The following AKT3 variants were observed in gnomAD, a reference collection of about 807,000 sequenced individuals.
AKT3 encodes RAC-gamma serine/threonine-protein kinase.
Under a neutral mutation model 65.3 loss-of-function variants are expected in AKT3, and 15 were observed. That is an observed-to-expected ratio of 0.23 (90% CI 0.15 to 0.35). The LOEUF (loss-of-function observed/expected upper bound fraction) is 0.35. AKT3 is among the 10% of genes least tolerant of loss of function. AKT3 has a pLI of 1.00. For missense variants in AKT3, 243 were observed against 576.5 expected (o/e 0.42, Z 5.92); for synonymous variants, 206 against 183.8 (o/e 1.12, Z -0.98).
intron 2 of AKT3, among the ~76,000 whole-genome samples, chr1:243,773,686 G>C (rs1690351310): frequency 6.6e-6 from 1 of 152,146 alleles, no homozygotes; most frequent in South Asian, 2.1e-4. Flanking sequence ...AGCTCATTGT[G>C]AGAATCAAAT....
At chr1:243,599,029 C>T (rs1306649840) in intron 8 of AKT3, among the ~76,000 whole-genome samples, 1 of 152,096 alleles carries the variant, frequency 6.6e-6, no homozygotes, top group East Asian at 1.9e-4. Context: ...TTATTTTTAT[C>T]GTGGTGATGA....
At chr1:243,846,186 C>A (rs1441963327) in intron 1 of AKT3, among the ~76,000 whole-genome samples, 1 of 152,084 alleles carries the variant, frequency 6.6e-6, no homozygotes, top group Non-Finnish European at 1.5e-5. Flanking sequence ...GGGCTAAGCT[C>A]CATTATTGGA....
intron 3 of AKT3, among the ~76,000 whole-genome samples, chr1:243,684,346 C>T (rs1029279275): frequency 6.6e-6 from 1 of 151,918 alleles, no homozygotes; most frequent in African/African-American, 2.4e-5. Flanking sequence ...TGTGATGTTC[C>T]CCTCCCTGTG....
intron 6 of AKT3, chr1:243,625,128 T>TG (rs1436854892): frequency 4.4e-5 from 1 of 22,478 alleles, no homozygotes; most frequent in Non-Finnish European, 4.3e-4. Flanking sequence ...GTTTGTGTTT[T>TG]TTTTTTTTTT....
intron 2 of AKT3, among the ~76,000 whole-genome samples, chr1:243,729,908 C>T (rs1447264123): frequency 6.6e-6 from 1 of 152,180 alleles, no homozygotes; most frequent in East Asian, 1.9e-4. Flanking sequence ...TTCCAAGTCT[C>T]TCTACTGACA....
At chr1:243,522,170 G>A (rs1249032331) in intron 12 of AKT3, among the ~76,000 whole-genome samples, 2 of 152,208 alleles carry the variant, frequency 1.3e-5, no homozygotes, top group South Asian at 2.1e-4. Flanking sequence ...TAAGAGCCTA[G>A]TGAAACAATC....
At chr1:243,531,023 T>C (rs1029882476) in intron 12 of AKT3, among the ~76,000 whole-genome samples, 1 of 152,214 alleles carries the variant, frequency 6.6e-6, no homozygotes, top group African/African-American at 2.4e-5. Context: ...TGTAAAATAG[T>C]TACTGCTAAA....
chr1:243,644,214 A>G (rs1292451685), intron 5 of AKT3, among the ~76,000 whole-genome samples: 1 of 152,222 alleles, frequency 6.6e-6, no homozygotes, highest in African/African-American at 2.4e-5. Context: ...TAGAAACAAA[A>G]TTATGCAGAT....
At chr1:243,609,852 T>A (rs909914968) in intron 8 of AKT3, among the ~76,000 whole-genome samples, 1 of 152,154 alleles carries the variant, frequency 6.6e-6, no homozygotes, top group African/African-American at 2.4e-5. Flanking sequence ...AATTAATTAA[T>A]CTTTAAGTAC....
intron 2 of AKT3, among the ~76,000 whole-genome samples, chr1:243,722,992 A>G (rs984762078): frequency 6.6e-6 from 1 of 152,224 alleles, no homozygotes; most frequent in Admixed American, 6.5e-5. Context: ...ACATTAGTTT[A>G]CAAGTAATAA....
At chr1:243,704,737 C>CAAT (rs1459559771) in intron 2 of AKT3, among the ~76,000 whole-genome samples, 1 of 152,100 alleles carries the variant, frequency 6.6e-6, no homozygotes, top group African/African-American at 2.4e-5. Context: ...AAAAGCAAGG[C>CAAT]AATAGCTTTA....
At chr1:243,719,835 C>T (rs1158940623) in intron 2 of AKT3, among the ~76,000 whole-genome samples, 1 of 152,140 alleles carries the variant, frequency 6.6e-6, no homozygotes, top group African/African-American at 2.4e-5. Flanking sequence ...GTCGTATGGC[C>T]ACACCTAACT....
At chr1:243,849,206 G>A (rs1695643833) in intron 1 of AKT3, among the ~76,000 whole-genome samples, 1 of 152,218 alleles carries the variant, frequency 6.6e-6, no homozygotes, top group Non-Finnish European at 1.5e-5. Context: ...ACAAGGAAGA[G>A]GCTGGTCTGT....
At chr1:243,735,794 G>A (rs1386570452) in intron 2 of AKT3, 1 of 152,182 alleles carries the variant, frequency 6.6e-6, no homozygotes, top group Non-Finnish European at 1.5e-5. Context: ...AACTGTAGAG[G>A]AGAGAAGCCA....
At chr1:243,591,608 A>G (rs1676232998) in intron 8 of AKT3, among the ~76,000 whole-genome samples, 1 of 152,234 alleles carries the variant, frequency 6.6e-6, no homozygotes, top group African/African-American at 2.4e-5. Flanking sequence ...ATGACACATA[A>G]GATATAATTA....
At chr1:243,564,767 G>C (rs1359398355) in intron 9 of AKT3, among the ~76,000 whole-genome samples, 1 of 151,980 alleles carries the variant, frequency 6.6e-6, no homozygotes, top group Non-Finnish European at 1.5e-5. Context: ...ACAACCTAAA[G>C]GTATTTCTTC....
chr1:243,643,423 C>T (rs1276597231), intron 5 of AKT3, among the ~76,000 whole-genome samples: 1 of 152,236 alleles, frequency 6.6e-6, no homozygotes, highest in Non-Finnish European at 1.5e-5. Context: ...TGCCCCTTCA[C>T]ATACTTGACA....
chr1:243,606,570 C>G (rs540260332), intron 8 of AKT3, among the ~76,000 whole-genome samples: 3 of 151,978 alleles, frequency 2.0e-5, no homozygotes, highest in Admixed American at 2.0e-4. Flanking sequence ...TTGAAGAGAA[C>G]GCGGAGAAGA....
At chr1:243,552,633 A>G in intron 11 of AKT3, 96 bp downstream of exon 11, 1 of 1,117,010 alleles carries the variant, frequency 9.0e-7, no homozygotes, top group South Asian at 1.4e-5. Flanking sequence ...CACCAAATAC[A>G]TTGCTTCTTG....
Sources: allele counts gnomAD v4.1 joint callset (sites outside exome capture counted in the v4.1 genomes callset), GRCh38; gene constraint gnomAD v4.1.1; transcripts MANE v1.5; gene names NCBI Gene and HGNC (gene_info 2026-07-23, HGNC 2026-07-21).